ARHGEF40: variants seen among roughly 807,000 people sequenced by gnomAD.
The protein encoded by ARHGEF40 is Rho guanine nucleotide exchange factor 40, also known as Rho guanine nucleotide exchange factor (GEF) 40.
Under a neutral mutation model 165.9 loss-of-function variants are expected in ARHGEF40, and 98 were observed. That is an observed-to-expected ratio of 0.59 (90% CI 0.50 to 0.70). ARHGEF40 has a LOEUF of 0.70. ARHGEF40 is among the 30% of genes least tolerant of loss of function. The pLI is 0.00. For synonymous variants in ARHGEF40, 792 were observed against 814.3 expected (o/e 0.97, Z 0.47); for missense variants, 1,815 against 1,968.0 (o/e 0.92, Z 1.47).
Position 21,073,654 on chromosome 14 carries a change from A to G in ARHGEF40, c.202-278A>G, listed in dbSNP as rs541722517. On this transcript the variant is annotated intron_variant, in intron 2 of 23. Coordinates refer to ENST00000298694, the MANE Select transcript of ARHGEF40 (RefSeq NM_018071.5). This position sits in a 1 kb window ranked among gnomAD's most constrained non-coding sequence, Gnocchi z 4.6. ...AAGAGTCTTTAGCTTCTCCAAGACA[A>G]TGGCATCTGCTGACCATGTCTTGGT... Among the ~76,000 whole-genome samples, 1 of 152,210 alleles carries G rather than the reference A, an allele frequency of 6.6e-6. No individual in the cohort carries two copies. The highest frequency in any genetic ancestry group is 2.1e-4 in the South Asian group (1 of 4,820).
At chr14:21,083,684 C>G in intron 16 of ARHGEF40, 151 bp from the exon 17 acceptor site, 1 of 651,418 alleles carries the variant, frequency 1.5e-6, no homozygotes, top group Non-Finnish European at 2.6e-6. Flanking sequence ...GCTTTCTTTC[C>G]AGGGAGAATG....
upstream of ARHGEF40, among the ~76,000 whole-genome samples, chr14:21,066,247 T>C (rs1443351716): frequency 1.3e-5 from 2 of 151,320 alleles, no homozygotes; most frequent in Non-Finnish European, 2.9e-5. Context: ...AGAAAAGGAA[T>C]CATGATGCAA....
At chr14:21,062,332 A>T in the ARHGEF40 span, among the ~76,000 whole-genome samples, 1 of 152,106 alleles carries the variant, frequency 6.6e-6, no homozygotes. Context: ...TTTAGTAGGG[A>T]GGGAAGCTCA....
chr14:21,069,647 A>G (rs1339637851), upstream of ARHGEF40, among the ~76,000 whole-genome samples: 2 of 152,234 alleles, frequency 1.3e-5, no homozygotes, highest in African/African-American at 4.8e-5. Context: ...TTCCCCAGGC[A>G]ACACAGAGGA....
rs767737710 is a variant in ARHGEF40, at chr14:21,083,930, G to A, written c.3669G>A (p.Arg1223=). 5 of 1,614,102 alleles carry A rather than the reference G, an allele frequency of 3.1e-6. No homozygotes were observed. Among genetic ancestry groups the A allele is most frequent in the South Asian group, 1.1e-5 (1 of 91,076 alleles). ...GGCGGCTCCTGGAGGAGCTCCTGAGGGAAGCTGGGCCTGAGCTCAGTTCTG... is the reference window on the plus strand; with the variant it reads ...GGCGGCTCCTGGAGGAGCTCCTGAGAGAAGCTGGGCCTGAGCTCAGTTCTG... ...RYGRLLEELL[R]EAGPELSSEC... Residue 1223 remains arginine, a synonymous_variant, in exon 17 of 24, where the codon AGG becomes AGA. Transcript: ENST00000298694.
upstream of ARHGEF40, among the ~76,000 whole-genome samples, chr14:21,067,509 G>A (rs1383827129): frequency 2.0e-5 from 3 of 152,074 alleles, no homozygotes; most frequent in Non-Finnish European, 2.9e-5. Context: ...TTCACATCCT[G>A]GTTGCTCATT....
rs185809609 is a variant in ARHGEF40, at chr14:21,085,596, A to G, written c.3961-93A>G. The G allele has an allele frequency of 3.9e-3, 5,644 of 1,437,408 alleles. 26 individuals are homozygous for G. Among genetic ancestry groups the G allele is most frequent in the Non-Finnish European group, 4.6e-3 (4,874 of 1,061,994 alleles). The allele number at this position is 1,437,408 out of a possible 1,614,324, so 89.0% of individuals were successfully genotyped here. On this transcript the variant is annotated intron_variant, in intron 18 of 23. Coordinates refer to ENST00000298694, the MANE Select transcript of ARHGEF40 (RefSeq NM_018071.5). Reference sequence around the variant, plus strand: ...TTGAGCAAACGTTTACTGAACATCTATCAGATGCCAGGCGAAGCCCAGTGC... The same window carrying G: ...TTGAGCAAACGTTTACTGAACATCTGTCAGATGCCAGGCGAAGCCCAGTGC...
chr14:21,085,694 T>C lies in ARHGEF40; in HGVS notation c.3966T>C (p.Ala1322=), dbSNP rs1381070891. 1.2e-6 allele frequency: 2 copies of C among 1,613,736 alleles called. No individual in the cohort carries two copies. Among genetic ancestry groups the C allele is most frequent in the South Asian group, 1.1e-5 (1 of 91,064 alleles). The change falls in exon 19 of 24, where the codon GCT becomes GCC. Residue 1322 remains alanine, a synonymous_variant. Coordinates refer to ENST00000298694, the MANE Select transcript of ARHGEF40 (RefSeq NM_018071.5). ...MFVYKQAFKT[A]DMGLTENIGD... Reference sequence around the variant, plus strand: ...TGCCCTCTGCTCTTCCTCAGACTGCTGATATGGGGCTGACAGAAAACATCG... The same window carrying C: ...TGCCCTCTGCTCTTCCTCAGACTGCCGATATGGGGCTGACAGAAAACATCG...
intron 11 of ARHGEF40, among the ~76,000 whole-genome samples, chr14:21,079,982 C>G (rs1187028053): frequency 6.6e-6 from 1 of 152,070 alleles, no homozygotes; most frequent in Non-Finnish European, 1.5e-5. Context: ...TAACTCACAA[C>G]GTGGTCAGAA....
intron 22 of ARHGEF40, among the ~76,000 whole-genome samples, 194 bp from the exon 23 acceptor site, chr14:21,088,636 T>C (rs1181270852): frequency 1.3e-5 from 2 of 151,998 alleles, no homozygotes; most frequent in Admixed American, 6.6e-5. Flanking sequence ...CAGTGAGCCA[T>C]GTTTGTGCCA....
intron 8 of ARHGEF40, among the ~76,000 whole-genome samples, chr14:21,077,529 T>G (rs759733023): frequency 6.6e-6 from 1 of 152,130 alleles, no homozygotes; most frequent in East Asian, 1.9e-4. Context: ...TGGAAAGCAC[T>G]GAGAGTCAAA....
chr14:21,080,245 CA>C (rs1225980934), intron 11 of ARHGEF40, among the ~76,000 whole-genome samples: 25 of 103,284 alleles, frequency 2.4e-4, no homozygotes, highest in East Asian at 1.5e-3. Context: ...CACACACACA[CA>C]CACCCCTTCT....
chr14:21,078,093 C>A, intron 8 of ARHGEF40, 84 bp from the exon 9 acceptor site: 1 of 1,259,364 alleles, frequency 7.9e-7, no homozygotes, highest in Non-Finnish European at 1.1e-6. Context: ...ATAAAAGTCT[C>A]TGGGGCTACC....
At chr14:21,080,211 C>G (rs1423646931) in intron 11 of ARHGEF40, among the ~76,000 whole-genome samples, 2 of 62,116 alleles carry the variant, frequency 3.2e-5, no homozygotes, top group African/African-American at 9.8e-5. Flanking sequence ...CACACACACA[C>G]ACACACACAC....
rs1390142944 is a variant in ARHGEF40 at position 21,070,974 on chromosome 14, G to A, written c.3+575G>A. The A allele has an allele frequency of 1.9e-6, 2 of 1,068,814 alleles. No individual in the cohort carries two copies. Among genetic ancestry groups the A allele is most frequent in the East Asian group, 5.2e-5 (2 of 38,590 alleles). 66.2% of individuals were successfully genotyped at this position (1,068,814 alleles called of 1,614,324 possible). A position where few individuals can be genotyped will look rare whatever the true frequency, so the allele number is the denominator to read the frequency against. ...GAAATTCCCGCAGAGAAAAAGAGCTGCCTCAGGATAGTTGGGGGTGCTTGG... is the reference window on the plus strand; with the variant it reads ...GAAATTCCCGCAGAGAAAAAGAGCTACCTCAGGATAGTTGGGGGTGCTTGG... On this transcript the variant is annotated intron_variant, in intron 1 of 23. Coordinates refer to ENST00000298694, the MANE Select transcript of ARHGEF40 (RefSeq NM_018071.5). The surrounding 1 kb of genome is among the most constrained non-coding windows in gnomAD (Gnocchi z 4.7).
chr14:21,077,747 C>G (rs1276070166), intron 8 of ARHGEF40, among the ~76,000 whole-genome samples: 1 of 152,120 alleles, frequency 6.6e-6, no homozygotes, highest in East Asian at 1.9e-4. Flanking sequence ...GAGAAATAAA[C>G]ATGATCTGAG....
intron 11 of ARHGEF40, 135 bp downstream of exon 11, chr14:21,079,145 G>T (rs1887673958): frequency 1.6e-6 from 2 of 1,259,834 alleles, no homozygotes; most frequent in Admixed American, 2.5e-5. Flanking sequence ...CCTCACATTT[G>T]TTGGTCAGTG....
Position 21,084,050 on chromosome 14 carries a change from G to T in ARHGEF40, c.3789G>T (p.Glu1263Asp). 1.2e-6 allele frequency: 2 copies of T among 1,603,238 alleles called. No individual in the cohort carries two copies. Among genetic ancestry groups the T allele is most frequent in the East Asian group, 2.3e-5 (1 of 44,440 alleles). ...LLAVEAVRGCEIDLKEQGQLL... is the reference protein window; with the variant it reads ...LLAVEAVRGCDIDLKEQGQLL... ...CCGTGGAGGCGGTGCGTGGCTGTGA[G>T]GTGAGGCCCTAGCTCCAGTCACTGC... Residue 1263 changes from glutamate (E) to aspartate (D), a missense_variant and splice_region_variant, in exon 17 of 24, where the codon GAG (glutamate) becomes GAT (aspartate). Physicochemically the swap from Glu to Asp is conservative, Grantham distance 45 (BLOSUM62 2). Transcript: ENST00000298694.
chr14:21,087,206 C>A, intron 20 of ARHGEF40, 101 bp downstream of exon 20: 1 of 1,580,010 alleles, frequency 6.3e-7, no homozygotes, highest in Non-Finnish European at 8.6e-7. Context: ...GGCATCTCGT[C>A]CCCAAATCAG....
Sources: allele counts gnomAD v4.1 joint callset (sites outside exome capture counted in the v4.1 genomes callset), GRCh38; gene constraint gnomAD v4.1.1; non-coding constraint Gnocchi (gnomAD v3.1); transcripts MANE v1.5; gene names NCBI Gene and HGNC (gene_info 2026-07-23, HGNC 2026-07-21).